The following RANBP2 variants were observed in gnomAD, a reference collection of about 807,000 sequenced individuals.
RANBP2 encodes RAN binding protein 2.
RANBP2 carries 57 observed loss-of-function variants against 303.6 expected under a neutral mutation model. The observed-to-expected ratio is 0.19, with a 90% confidence interval of 0.15 to 0.23. RANBP2 has a LOEUF of 0.23. RANBP2 is among the 10% of genes least tolerant of loss of function. The pLI, the probability that RANBP2 is intolerant of heterozygous loss-of-function variation, is 1.00. For missense variants in RANBP2, 3,138 were observed against 3,780.8 expected (o/e 0.83, Z 4.46); for synonymous variants, 1,167 against 1,301.5 (o/e 0.90, Z 2.23).
the RANBP2 span, chr2:109,545,585 T>G: frequency 6.5e-7 from 1 of 1,534,212 alleles, no homozygotes; most frequent in Non-Finnish European, 8.7e-7. Context: ...ATCAGTAGAA[T>G]TTGTTCTAAA....
the RANBP2 span, among the ~76,000 whole-genome samples, chr2:108,974,187 G>A: frequency 6.6e-6 from 1 of 151,644 alleles, no homozygotes; most frequent in African/African-American, 2.4e-5. Flanking sequence ...AAAATTAGCT[G>A]GGCGTGGTGG....
At chr2:109,426,632 A>T in the RANBP2 span, among the ~76,000 whole-genome samples, 1 of 152,214 alleles carries the variant, frequency 6.6e-6, no homozygotes, top group Non-Finnish European at 1.5e-5. Flanking sequence ...CATTGAAATG[A>T]CAACAAAGAG....
At chr2:109,091,883 T>C in the RANBP2 span, among the ~76,000 whole-genome samples, 4 of 152,240 alleles carry the variant, frequency 2.6e-5, no homozygotes, top group Middle Eastern at 6.8e-3. Flanking sequence ...CATTGTGGGA[T>C]GTCTGTTTGT....
chr2:109,402,375 C>A, the RANBP2 span, among the ~76,000 whole-genome samples: 1 of 152,264 alleles, frequency 6.6e-6, no homozygotes, highest in Admixed American at 6.5e-5. Context: ...GCCCAGGATT[C>A]TGTGGTCAGT....
the RANBP2 span, among the ~76,000 whole-genome samples, chr2:109,696,146 G>A: frequency 1.3e-5 from 2 of 151,932 alleles, no homozygotes; most frequent in Non-Finnish European, 2.9e-5. Flanking sequence ...TGTATTGTTA[G>A]TAGAGATGGG....
chr2:109,041,751 G>C, the RANBP2 span, among the ~76,000 whole-genome samples: 1 of 144,602 alleles, frequency 6.9e-6, no homozygotes, highest in African/African-American at 2.6e-5. Flanking sequence ...ATGTTGGTCA[G>C]GTTGGTCTCG....
chr2:109,677,249 C>T, the RANBP2 span, among the ~76,000 whole-genome samples: 1 of 152,158 alleles, frequency 6.6e-6, no homozygotes, highest in African/African-American at 2.4e-5. Context: ...TGCTCCCCAC[C>T]CTTCAGACCT....
the RANBP2 span, among the ~76,000 whole-genome samples, chr2:109,247,272 G>A: frequency 1.3e-5 from 2 of 152,226 alleles, no homozygotes; most frequent in South Asian, 2.1e-4. Flanking sequence ...TCCTGGAATC[G>A]GTGACACACC....
At chr2:109,043,226 T>C in the RANBP2 span, among the ~76,000 whole-genome samples, 1 of 152,248 alleles carries the variant, frequency 6.6e-6, no homozygotes, top group Non-Finnish European at 1.5e-5. Flanking sequence ...TTACCTTTAG[T>C]GCGTCATTTG....
chr2:109,600,002 G>A, the RANBP2 span, among the ~76,000 whole-genome samples: 1 of 152,222 alleles, frequency 6.6e-6, no homozygotes, highest in East Asian at 1.9e-4. Flanking sequence ...CTAGTCCTGT[G>A]GCCTACAAAG....
chr2:108,870,750 C>T, the RANBP2 span, among the ~76,000 whole-genome samples: 5 of 152,238 alleles, frequency 3.3e-5, no homozygotes, highest in African/African-American at 1.2e-4. Flanking sequence ...TTCTATGATT[C>T]CTCTTATATG....
At chr2:109,140,310 A>C in the RANBP2 span, among the ~76,000 whole-genome samples, 1 of 152,072 alleles carries the variant, frequency 6.6e-6, no homozygotes. Flanking sequence ...TTCTTTGTGA[A>C]TCATAAATCT....
At chr2:108,890,232 CTTTTT>C in the RANBP2 span, among the ~76,000 whole-genome samples, 4 of 114,698 alleles carry the variant, frequency 3.5e-5, no homozygotes, top group Non-Finnish European at 7.2e-5. Context: ...ATGGGGTTTT[CTTTTT>C]TTTTTTTTTT....
chr2:109,510,046 G>A, the RANBP2 span, among the ~76,000 whole-genome samples: 1 of 152,224 alleles, frequency 6.6e-6, no homozygotes, highest in South Asian at 2.1e-4. Context: ...CCTCCACACT[G>A]TAGTCTTGTT....
At chr2:109,215,150 G>A in the RANBP2 span, among the ~76,000 whole-genome samples, 1 of 152,158 alleles carries the variant, frequency 6.6e-6, no homozygotes, top group African/African-American at 2.4e-5. Context: ...GTGTCTTTCT[G>A]TGTTTCTCTC....
At chr2:109,595,480 C>T in the RANBP2 span, among the ~76,000 whole-genome samples, 1 of 152,156 alleles carries the variant, frequency 6.6e-6, no homozygotes, top group Non-Finnish European at 1.5e-5. Context: ...AGCAGTATCA[C>T]GTCCCTCTAG....
chr2:109,103,710 G>A, the RANBP2 span, among the ~76,000 whole-genome samples: 41 of 152,266 alleles, frequency 2.7e-4, no homozygotes, highest in African/African-American at 9.6e-4. Flanking sequence ...AAAGGTGCTA[G>A]ACTCTCAGCT....
the RANBP2 span, among the ~76,000 whole-genome samples, chr2:109,417,433 G>A: frequency 6.6e-6 from 1 of 152,102 alleles, no homozygotes; most frequent in East Asian, 1.9e-4. Context: ...GAAGACCCTG[G>A]AATCCATCCG....
the RANBP2 span, among the ~76,000 whole-genome samples, chr2:109,648,352 C>T: frequency 6.6e-6 from 1 of 152,160 alleles, no homozygotes; most frequent in African/African-American, 2.4e-5. Flanking sequence ...AAGACACCAT[C>T]TGATTTACAC....
Sources: allele counts gnomAD v4.1 joint callset (sites outside exome capture counted in the v4.1 genomes callset), GRCh38; gene constraint gnomAD v4.1.1; transcripts MANE v1.5; gene names NCBI Gene and HGNC (gene_info 2026-07-23, HGNC 2026-07-21).